NDRG3: variants seen among roughly 807,000 people sequenced by gnomAD.
The protein encoded by NDRG3 is NDRG family member 3.
Under a neutral mutation model 57.2 loss-of-function variants are expected in NDRG3, and 23 were observed. The ratio of observed to expected loss-of-function variants is 0.40; its 90% confidence interval spans 0.29 to 0.57. The LOEUF (loss-of-function observed/expected upper bound fraction) is 0.57. Ranked by LOEUF, NDRG3 falls within the 20% of genes least tolerant of loss-of-function variation. NDRG3 has a pLI of 0.42. For missense variants in NDRG3, 384 were observed against 457.3 expected (o/e 0.84, Z 1.46); for synonymous variants, 132 against 162.6 (o/e 0.81, Z 1.43).
intron 5 of NDRG3, among the ~76,000 whole-genome samples, chr20:36,686,371 A>G (rs1411340386): frequency 6.6e-6 from 1 of 152,166 alleles, no homozygotes; most frequent in Admixed American, 6.6e-5. Context: ...ATAATAGTAA[A>G]CTTATCCCAT....
At chr20:36,657,994 T>C (rs1311266544) in intron 13 of NDRG3, among the ~76,000 whole-genome samples, 1 of 152,212 alleles carries the variant, frequency 6.6e-6, no homozygotes, top group African/African-American at 2.4e-5. Flanking sequence ...ATAGGAGTTA[T>C]CCACTCTATT....
chr20:36,672,471 G>C (rs1304145480), intron 8 of NDRG3, among the ~76,000 whole-genome samples: 1 of 152,194 alleles, frequency 6.6e-6, no homozygotes, highest in Non-Finnish European at 1.5e-5. Context: ...GTTCCAGAAA[G>C]ACTGAGGAAG....
At chr20:36,714,916 C>A (rs1984145133) in intron 2 of NDRG3, among the ~76,000 whole-genome samples, 1 of 146,858 alleles carries the variant, frequency 6.8e-6, no homozygotes, top group Admixed American at 6.9e-5. Context: ...CCAGGCCCAG[C>A]AAATTGTTTT....
intron 1 of NDRG3, among the ~76,000 whole-genome samples, chr20:36,734,237 C>T (rs1198019367): frequency 1.3e-5 from 2 of 151,974 alleles, no homozygotes; most frequent in African/African-American, 4.8e-5. Context: ...CATGGACTGA[C>T]CAAAATACCA....
chr20:36,743,799 C>G (rs1434549353), intron 1 of NDRG3, among the ~76,000 whole-genome samples: 1 of 147,482 alleles, frequency 6.8e-6, no homozygotes, highest in Non-Finnish European at 1.5e-5. Flanking sequence ...GCCTGGGCAA[C>G]AGAGCGAGAC....
intron 3 of NDRG3, chr20:36,700,433 A>G (rs775672332): frequency 1.9e-5 from 10 of 527,432 alleles, no homozygotes; most frequent in Non-Finnish European, 3.9e-5. Context: ...GGAAGCACTC[A>G]CCTCCATGGT....
At chr20:36,670,757 C>T (rs1467689673) in intron 9 of NDRG3, among the ~76,000 whole-genome samples, 1 of 152,206 alleles carries the variant, frequency 6.6e-6, no homozygotes, top group African/African-American at 2.4e-5. Context: ...AGACACCTCA[C>T]AGCTTTCTGA....
intron 8 of NDRG3, 136 bp from the exon 9 acceptor site, chr20:36,671,533 T>A (rs1980161497): frequency 1.6e-6 from 1 of 637,210 alleles, no homozygotes; most frequent in Admixed American, 2.8e-5. Flanking sequence ...CCAGGTGCGA[T>A]GGCTCACGCC....
Position 36,684,438 on chromosome 20 carries a change from G to A in NDRG3, c.358C>T (p.Leu120=). ...CTTAGGTGGGTAAGAACAGGAGGCA[G>A]CATTTCAGCCAGCTCATCCATTGTG... is the stretch of plus-strand genomic sequence containing the variant. ...YPTMDELAEM[L]PPVLTHLSLK... is the part of the protein sequence containing the mutation. The change falls in exon 6 of 16, where the codon CTG becomes TTG. Residue 120 remains leucine (L), a synonymous_variant. Transcript: ENST00000349004. 6.2e-7 allele frequency: 1 copy of A among 1,614,126 alleles called. No homozygotes were observed.
intron 2 of NDRG3, 78 bp from the exon 3 acceptor site, chr20:36,707,085 G>A: frequency 7.6e-7 from 1 of 1,314,042 alleles, no homozygotes; most frequent in Non-Finnish European, 1.1e-6. Context: ...AGTTCACAGT[G>A]ACAGCAGTGC....
chr20:36,726,747 G>A (rs1472059836), intron 1 of NDRG3, among the ~76,000 whole-genome samples: 1 of 152,128 alleles, frequency 6.6e-6, no homozygotes, highest in Admixed American at 6.6e-5. Context: ...TAGGAGGGAG[G>A]ATTGATAAGG....
At position 36,660,571 on chromosome 20, in the gene NDRG3, T is replaced by TATTTA. The variant is rs200812340; in HGVS notation, c.811-188_811-187insTAAAT. ...TTATTTATTTATTTATTTATTTATT[T>TATTTA]TTTTTTTGAGACGGAGTCTCGCTCT... On this transcript the variant is annotated intron_variant, in intron 12 of 15. Transcript: ENST00000349004. Among the ~76,000 whole-genome samples the TATTTA allele has an allele frequency of 1.8e-3, 276 of 149,894 alleles. 1 individual carries two copies. Among genetic ancestry groups the TATTTA allele is most frequent in the African/African-American group, 6.7e-3 (269 of 40,340 alleles).
At chr20:36,701,790 C>T (rs932104431) in intron 3 of NDRG3, among the ~76,000 whole-genome samples, 2 of 150,850 alleles carry the variant, frequency 1.3e-5, no homozygotes, top group African/African-American at 4.9e-5. Context: ...TCAGGTGATC[C>T]ACCTGCCTCG....
chr20:36,666,138 T>C (rs1411943517), intron 10 of NDRG3, 151 bp downstream of exon 10: 3 of 625,902 alleles, frequency 4.8e-6, no homozygotes, highest in Non-Finnish European at 8.5e-6. Context: ...TTCCTCAATC[T>C]TTGTCCATGT....
At chr20:36,681,861 C>T (rs1981330472) in intron 7 of NDRG3, among the ~76,000 whole-genome samples, 1 of 151,734 alleles carries the variant, frequency 6.6e-6, no homozygotes, top group Non-Finnish European at 1.5e-5. Context: ...CCACGCCCAG[C>T]TAATTTTTGT....
At chr20:36,666,885 G>A (rs1979678793) in intron 9 of NDRG3, among the ~76,000 whole-genome samples, 1 of 152,172 alleles carries the variant, frequency 6.6e-6, no homozygotes, top group African/African-American at 2.4e-5. Context: ...CACCCAGGCT[G>A]AGCAATGGCG....
intron 10 of NDRG3, 86 bp from the exon 11 acceptor site, chr20:36,665,387 A>T (rs1301922090): frequency 2.5e-6 from 3 of 1,181,928 alleles, no homozygotes; most frequent in Non-Finnish European, 3.8e-6. Context: ...ACCAAAATTT[A>T]TCAAGGAATG....
intron 3 of NDRG3, among the ~76,000 whole-genome samples, chr20:36,705,854 C>T (rs1983521844): frequency 6.6e-6 from 1 of 152,114 alleles, no homozygotes; most frequent in African/African-American, 2.4e-5. Flanking sequence ...AAGCAATTCT[C>T]CCACCTCAGC....
intron 3 of NDRG3, chr20:36,700,733 T>C (rs1255594352): frequency 5.2e-6 from 1 of 191,478 alleles, no homozygotes; most frequent in Admixed American, 6.2e-5. Flanking sequence ...TGGTCATAGA[T>C]CTCTCCCATC....
Sources: allele counts gnomAD v4.1 joint callset (sites outside exome capture counted in the v4.1 genomes callset), GRCh38; gene constraint gnomAD v4.1.1; transcripts MANE v1.5; gene names NCBI Gene and HGNC (gene_info 2026-07-23, HGNC 2026-07-21).